Variants in BBX observed in about 807,000 individuals in gnomAD.
BBX encodes the protein BBX high mobility group box domain containing.
A neutral mutation model predicts 100.2 loss-of-function variants in BBX; 30 were observed. The observed-to-expected ratio is 0.30, with a 90% CI of 0.22 to 0.41. The LOEUF (loss-of-function observed/expected upper bound fraction) is 0.41, where lower values mean the gene tolerates loss of function less well. Among genes scored for constraint, BBX ranks in the 10% least tolerant of loss-of-function variants. The probability of loss-of-function intolerance (pLI) is 1.00; values close to 1 mark genes in which losing one functional copy is unlikely to be tolerated. For missense variants in BBX, 1,023 were observed against 1,129.8 expected (o/e 0.91, Z 1.35); for synonymous variants, 376 against 388.1 (o/e 0.97, Z 0.37).
chr3:107,585,443 G>A (rs2052760106), intron 2 of BBX, among the ~76,000 whole-genome samples: 1 of 152,024 alleles, frequency 6.6e-6, no homozygotes, highest in Non-Finnish European at 1.5e-5. Flanking sequence ...AATAACTTTG[G>A]AAGCTAATGA....
chr3:107,542,774 C>G (rs748260642), intron 2 of BBX, among the ~76,000 whole-genome samples: 8 of 152,176 alleles, frequency 5.3e-5, no homozygotes, highest in Non-Finnish European at 1.2e-4. Context: ...ATTCTGTCTA[C>G]TGGAGGCCAT....
At chr3:107,637,252 C>A (rs1034816682) in intron 2 of BBX, among the ~76,000 whole-genome samples, 1 of 152,146 alleles carries the variant, frequency 6.6e-6, no homozygotes, top group Admixed American at 6.5e-5. Context: ...CTGTAGAAGG[C>A]ATCTTTCTTT....
chr3:107,792,457 T>A (rs2069162279), intron 15 of BBX, among the ~76,000 whole-genome samples: 1 of 152,260 alleles, frequency 6.6e-6, no homozygotes, highest in Admixed American at 6.5e-5. Context: ...GAAATATTCA[T>A]GTTTTTAAGA....
Position 107,589,666 on chromosome 3 carries a change from A to G in BBX, c.-83-56170A>G, listed in dbSNP as rs183697680. Among the ~76,000 whole-genome samples, 567 of 152,296 alleles carry G rather than the reference A, an allele frequency of 3.7e-3. 3 individuals are homozygous for G. Among genetic ancestry groups the G allele is most frequent in the Middle Eastern group, 0.017 (5 of 294 alleles). On this transcript the variant is annotated intron_variant, in intron 2 of 17. Coordinates refer to ENST00000325805, the MANE Select transcript of BBX (RefSeq NM_001142568.3). Reference sequence around the variant, plus strand: ...TGCCACAGAGTTCTTTTTCAGTTTCAGAAGTGGAATCAGACTCTTCATTGT... The same window carrying G: ...TGCCACAGAGTTCTTTTTCAGTTTCGGAAGTGGAATCAGACTCTTCATTGT...
At chr3:107,574,485 A>G (rs1468657066) in intron 2 of BBX, among the ~76,000 whole-genome samples, 1 of 152,192 alleles carries the variant, frequency 6.6e-6, no homozygotes, top group Non-Finnish European at 1.5e-5. Flanking sequence ...GAATGTTATG[A>G]AGAAGAGGGA....
At chr3:107,535,350 G>C (rs1210058410) in intron 2 of BBX, among the ~76,000 whole-genome samples, 4 of 151,860 alleles carry the variant, frequency 2.6e-5, no homozygotes, top group Admixed American at 6.6e-5. Context: ...CTCTGACCTG[G>C]GGCTTGTAAA....
chr3:107,705,943 T>C (rs1480260054), intron 3 of BBX, among the ~76,000 whole-genome samples: 1 of 152,028 alleles, frequency 6.6e-6, no homozygotes, highest in Non-Finnish European at 1.5e-5. Context: ...CTTTGTACTC[T>C]TTCCTTCTAA....
At chr3:107,770,951 T>C (rs1188521263) in intron 10 of BBX, among the ~76,000 whole-genome samples, 5 of 152,228 alleles carry the variant, frequency 3.3e-5, no homozygotes, top group Admixed American at 1.3e-4. Context: ...TTACAGATGG[T>C]AATGATCTCT....
chr3:107,672,306 A>G (rs2059059782), intron 3 of BBX, among the ~76,000 whole-genome samples: 1 of 152,010 alleles, frequency 6.6e-6, no homozygotes, highest in Non-Finnish European at 1.5e-5. Context: ...ACGTATTGAG[A>G]GGATTTGACC....
At chr3:107,795,001 A>C (rs553154197) in intron 15 of BBX, among the ~76,000 whole-genome samples, 6 of 152,230 alleles carry the variant, frequency 3.9e-5, no homozygotes, top group African/African-American at 1.2e-4. Context: ...GTTTGGGTGT[A>C]AAAACTAGCC....
chr3:107,584,045 TTA>T (rs375683730), intron 2 of BBX, among the ~76,000 whole-genome samples: 422 of 41,160 alleles, frequency 0.01, 53 homozygotes, highest in African/African-American at 0.028. Flanking sequence ...ATTATATATA[TTA>T]TATATATTAT....
chr3:107,612,519 C>T (rs1419171231), intron 2 of BBX, among the ~76,000 whole-genome samples: 1 of 152,176 alleles, frequency 6.6e-6, no homozygotes, highest in Non-Finnish European at 1.5e-5. Context: ...TTGGTGATCT[C>T]GGATAAGATC....
intron 3 of BBX, among the ~76,000 whole-genome samples, chr3:107,688,429 C>T (rs1168174920): frequency 6.6e-6 from 1 of 152,208 alleles, no homozygotes; most frequent in Non-Finnish European, 1.5e-5. Context: ...TCTTGGGGAA[C>T]CCAGGGTTCC....
chr3:107,590,360 C>T (rs772983433), intron 2 of BBX, among the ~76,000 whole-genome samples: 9 of 152,106 alleles, frequency 5.9e-5, no homozygotes, highest in Non-Finnish European at 1.2e-4. Flanking sequence ...GGGATATCAC[C>T]TCAAACATGT....
At chr3:107,718,263 A>G (rs2062256549) in intron 5 of BBX, among the ~76,000 whole-genome samples, 1 of 146,944 alleles carries the variant, frequency 6.8e-6, no homozygotes, top group Admixed American at 6.9e-5. Context: ...TAATAGTATT[A>G]ATGATTATAA....
intron 2 of BBX, among the ~76,000 whole-genome samples, chr3:107,604,180 G>A (rs747461124): frequency 1.3e-5 from 2 of 152,136 alleles, no homozygotes; most frequent in Non-Finnish European, 2.9e-5. Context: ...ATTCCCAGGT[G>A]TTTCTGATGT....
intron 3 of BBX, among the ~76,000 whole-genome samples, chr3:107,706,022 C>CTTTTTTTT (rs35648451): frequency 7.8e-6 from 1 of 128,844 alleles, no homozygotes. Flanking sequence ...GAGCTTGCTA[C>CTTTTTTTT]TTTTTTTTTT....
intron 2 of BBX, among the ~76,000 whole-genome samples, chr3:107,571,227 G>A (rs1313579893): frequency 6.6e-6 from 1 of 152,104 alleles, no homozygotes; most frequent in South Asian, 2.1e-4. Context: ...GGGACGCAAT[G>A]TGGGTGAGCA....
At chr3:107,667,188 A>G (rs529112790) in intron 3 of BBX, among the ~76,000 whole-genome samples, 7 of 152,348 alleles carry the variant, frequency 4.6e-5, no homozygotes, top group Admixed American at 4.6e-4. Context: ...GGGAGAAATT[A>G]CTGACATGAA....
Sources: gnomAD v4.1 joint callset for allele counts (sites outside exome capture counted in the v4.1 genomes callset) on GRCh38, gnomAD v4.1.1 for gene constraint, MANE v1.5 for transcripts, NCBI Gene and HGNC (gene_info 2026-07-23, HGNC 2026-07-21) for gene names.